Variants in APOBEC1 observed in about 807,000 individuals in gnomAD.
APOBEC1 encodes C->U-editing enzyme APOBEC-1.
In APOBEC1, 22 loss-of-function variants were observed where a neutral mutation model predicts 26.3. The ratio of observed to expected loss-of-function variants is 0.84; its 90% CI spans 0.60 to 1.19. APOBEC1 has a LOEUF of 1.19. Among genes scored for constraint, APOBEC1 ranks in the 50% most tolerant of loss-of-function variants. APOBEC1 has a pLI of 0.00. For missense variants in APOBEC1, 253 were observed against 289.0 expected (o/e 0.88, Z 0.90); for synonymous variants, 77 against 95.3 (o/e 0.81, Z 1.12).
At chr12:7,654,533 C>G in intron 2 of APOBEC1, 72 bp downstream of exon 2, 1 of 1,457,162 alleles carries the variant, frequency 6.9e-7, no homozygotes, top group Non-Finnish European at 9.6e-7. Context: ...GCATGTGCCA[C>G]CATGCACAGC....
At chr12:7,653,152 A>C (rs1396072816) in intron 2 of APOBEC1, among the ~76,000 whole-genome samples, 1 of 151,812 alleles carries the variant, frequency 6.6e-6, no homozygotes, top group Non-Finnish European at 1.5e-5. Flanking sequence ...GGCTGGTCTC[A>C]AACTCCTGAC....
intron 1 of APOBEC1, among the ~76,000 whole-genome samples, chr12:7,664,998 A>G (rs1863873404): frequency 6.6e-6 from 1 of 152,092 alleles, no homozygotes; most frequent in East Asian, 1.9e-4. Context: ...TGAGCCCAGG[A>G]GTTCCAGACC....
chr12:7,649,461 A>G lies in APOBEC1; in HGVS notation c.*86T>C. Reference sequence around the variant, plus strand: ...TACAGAGTTTTGGGGTACCTTGTGAACATTTCTAGATTCTAAATGGCATTC... The same window carrying G: ...TACAGAGTTTTGGGGTACCTTGTGAGCATTTCTAGATTCTAAATGGCATTC... On this transcript the variant is annotated 3_prime_UTR_variant, in exon 5 of 5. Transcript: ENST00000229304. 1 of 1,444,354 alleles carries G rather than the reference A, an allele frequency of 6.9e-7. No individual in the cohort carries two copies. The highest frequency in any genetic ancestry group is 9.5e-7 in the Non-Finnish European group (1 of 1,054,724). The allele number at this position is 1,444,354 out of a possible 1,614,324, so 89.5% of individuals were successfully genotyped here.
intron 1 of APOBEC1, among the ~76,000 whole-genome samples, chr12:7,663,871 C>T (rs1464961359): frequency 6.7e-6 from 1 of 149,140 alleles, no homozygotes; most frequent in Non-Finnish European, 1.5e-5. Context: ...TTTTTTTTTT[C>T]CCGAGATGGA....
upstream of APOBEC1, among the ~76,000 whole-genome samples, chr12:7,668,915 A>G (rs757332633): frequency 8.5e-5 from 13 of 152,126 alleles, no homozygotes; most frequent in Non-Finnish European, 1.2e-4. Flanking sequence ...TACTTTTAGT[A>G]GAGATGAGGT....
upstream of APOBEC1, among the ~76,000 whole-genome samples, chr12:7,669,566 A>T (rs1300749769): frequency 2.0e-5 from 3 of 152,040 alleles, no homozygotes; most frequent in Non-Finnish European, 4.4e-5. Flanking sequence ...ACTCTTTTTT[A>T]AAAAATTGAT....
intron 4 of APOBEC1, 71 bp from the exon 5 acceptor site, chr12:7,649,767 AT>A (rs1185862442): frequency 1.7e-6 from 2 of 1,148,804 alleles, no homozygotes; most frequent in Non-Finnish European, 1.2e-6. Flanking sequence ...CACCACAAAC[AT>A]TTAAAAATGT....
At chr12:7,662,961 G>A (rs776122553) in intron 1 of APOBEC1, among the ~76,000 whole-genome samples, 2 of 152,256 alleles carry the variant, frequency 1.3e-5, no homozygotes, top group South Asian at 4.1e-4. Flanking sequence ...TAGAGAGTAT[G>A]GGGATGATTC....
intron 1 of APOBEC1, among the ~76,000 whole-genome samples, chr12:7,659,313 AAAAAAAAAAAT>A (rs1863765617): frequency 3.1e-5 from 3 of 96,440 alleles, no homozygotes; most frequent in Non-Finnish European, 5.9e-5. Flanking sequence ...AAAAAAAAAA[AAAAAAAAAAAT>A]ATATATATAT....
intron 2 of APOBEC1, among the ~76,000 whole-genome samples, chr12:7,653,096 A>AT (rs5796283): frequency 0.52 from 79,399 of 151,338 alleles, 22,320 homozygotes; most frequent in Non-Finnish European, 0.65. Flanking sequence ...TGTCCAGCTA[A>AT]TTTTTTTGTA....
intron 1 of APOBEC1, among the ~76,000 whole-genome samples, chr12:7,660,683 A>G (rs1443883577): frequency 1.4e-5 from 2 of 138,584 alleles, no homozygotes; most frequent in Non-Finnish European, 3.1e-5. Context: ...ACCCTTGGTG[A>G]CAGAATGAGA....
intron 1 of APOBEC1, among the ~76,000 whole-genome samples, chr12:7,662,270 T>TA (rs764472217): frequency 5.5e-4 from 81 of 147,380 alleles, no homozygotes; most frequent in African/African-American, 2.0e-3. Flanking sequence ...CTTTAAAAAA[T>TA]AAAAAAAATT....
chr12:7,664,857 T>C (rs983587946), intron 1 of APOBEC1, among the ~76,000 whole-genome samples: 1 of 149,026 alleles, frequency 6.7e-6, no homozygotes, highest in Non-Finnish European at 1.5e-5. Context: ...CAGTGAGCAG[T>C]GATCACACCA....
rs747673628 is a variant in APOBEC1, at chr12:7,652,744, T to C, written c.136A>G (p.Met46Val). The change falls in exon 3 of 5, where the codon ATG (methionine) becomes GTG (valine). Residue 46 changes from methionine (M) to valine (V), a missense_variant. By Grantham distance (21) the Met-to-Val change is conservative. Transcript: ENST00000229304. Reference protein sequence around the residue: ...ACLLYEIKWGMSRKIWRSSGK... With the variant: ...ACLLYEIKWGVSRKIWRSSGK... ...GAGCTTCGCCAGATCTTCCGGCTCA[T>C]GCCCCACTTGATTTCGTAGAGCAGA... 6.2e-7 allele frequency: 1 copy of C among 1,614,134 alleles called. No individual in the cohort carries two copies. Among genetic ancestry groups the C allele is most frequent in the Non-Finnish European group, 8.5e-7 (1 of 1,180,026 alleles).
intron 1 of APOBEC1, among the ~76,000 whole-genome samples, chr12:7,655,445 G>C (rs1460203326): frequency 6.6e-6 from 1 of 152,016 alleles, no homozygotes; most frequent in Non-Finnish European, 1.5e-5. Flanking sequence ...AACCCAGGAG[G>C]TGGAGGTTGC....
chr12:7,650,802 C>A (rs896954640), intron 4 of APOBEC1, among the ~76,000 whole-genome samples: 10 of 152,206 alleles, frequency 6.6e-5, no homozygotes, highest in Middle Eastern at 6.3e-3. Context: ...TAGCTCACTG[C>A]AGCTTGCAAC....
chr12:7,668,544 G>A (rs1863920202), upstream of APOBEC1, among the ~76,000 whole-genome samples: 1 of 152,144 alleles, frequency 6.6e-6, no homozygotes, highest in East Asian at 1.9e-4. Flanking sequence ...TATGACATAT[G>A]ACAGACTATC....
upstream of APOBEC1, among the ~76,000 whole-genome samples, chr12:7,669,913 CTTA>C (rs1565445085): frequency 6.6e-6 from 1 of 151,846 alleles, no homozygotes; most frequent in Non-Finnish European, 1.5e-5. Flanking sequence ...TTTTCATGTA[CTTA>C]TTAGTTATTT....
rs774597050 is a variant in APOBEC1, at chr12:7,649,611, T to C, written c.647A>G (p.Gln216Arg). Residue 216 changes from glutamine to arginine, a missense_variant, in exon 5 of 5, where the codon CAA becomes CGA. Physicochemically the swap from Gln to Arg is conservative, Grantham distance 43. Coordinates refer to ENST00000229304, the MANE Select transcript of APOBEC1 (RefSeq NM_001644.5). ...TAAAAGGATGTGTGGCGGAATCGTT[T>C]GGTAATGGCAGTTTTGAAGATGAAG... ...FRLHLQNCHY[Q>R]TIPPHILLAT... 15 of 1,614,150 alleles carry C rather than the reference T, an allele frequency of 9.3e-6. No homozygotes were observed. In the East Asian group the frequency reaches 3.3e-4, roughly 36 times the overall value.
Sources: gnomAD v4.1 joint callset for allele counts (sites outside exome capture counted in the v4.1 genomes callset) on GRCh38, gnomAD v4.1.1 for gene constraint, MANE v1.5 for transcripts, NCBI Gene and HGNC (gene_info 2026-07-23, HGNC 2026-07-21) for gene names.